The following ATP1A2 variants were observed in gnomAD, a reference collection of about 807,000 sequenced individuals.
ATP1A2 encodes the protein ATPase Na+/K+ transporting subunit alpha 2.
A neutral mutation model predicts 113.1 loss-of-function variants in ATP1A2; 56 were observed. That is an observed-to-expected ratio of 0.49 (90% confidence interval 0.40 to 0.62). The LOEUF is 0.62. Among genes scored for constraint, ATP1A2 ranks in the 20% least tolerant of loss-of-function variants. The pLI, the probability that ATP1A2 is intolerant of heterozygous loss-of-function variation, is 0.00. For missense variants in ATP1A2, 712 were observed against 1,357.8 expected (o/e 0.52, Z 7.47); for synonymous variants, 490 against 526.8 (o/e 0.93, Z 0.96).
At chr1:160,124,466 A>T in intron 6 of ATP1A2, 36 bp downstream of exon 6, 1 of 1,582,302 alleles carries the variant, frequency 6.3e-7, no homozygotes, top group Non-Finnish European at 8.6e-7. Context: ...AGTTGAGTCT[A>T]AGGAGAAGGC....
rs1199088551 is a variant in ATP1A2, at chr1:160,121,055, G to C, written c.117+45G>C. On this transcript the variant is annotated intron_variant, in intron 2 of 22. Transcript: ENST00000361216. The stretch of plus-strand genomic sequence containing the variant: ...ATGGAGGAGGGGCCCCATGCTGGGA[G>C]AGCTGTCCCTGCAGCCCATTGCACT... 10 of 1,608,556 alleles carry C rather than the reference G, an allele frequency of 6.2e-6. No homozygotes were observed. In the East Asian group the frequency reaches 6.7e-5, roughly 11 times the overall value.
At position 160,143,555 on chromosome 1, in the gene ATP1A2, G is replaced by C. The variant is rs1652219061; in HGVS notation, c.*2233G>C. The C allele has an allele frequency of 6.6e-6, 1 of 152,422 alleles. No homozygotes were observed. The highest frequency in any genetic ancestry group is 1.5e-5 in the Non-Finnish European group (1 of 68,020). The allele number at this position is 152,422 out of a possible 1,614,324, so 9.4% of individuals were successfully genotyped here. On this transcript the variant is annotated 3_prime_UTR_variant, in exon 23 of 23. Coordinates refer to ENST00000361216, the MANE Select transcript of ATP1A2 (RefSeq NM_000702.4). Reference sequence around the variant, plus strand: ...AGTTTGAGGTACTACCTATGTACTTGAAAATAATAAAGTGGCATTTCTTTA... The same window carrying C: ...AGTTTGAGGTACTACCTATGTACTTCAAAATAATAAAGTGGCATTTCTTTA...
chr1:160,123,856 A>G, intron 4 of ATP1A2, 87 bp from the exon 5 acceptor site: 1 of 1,185,238 alleles, frequency 8.4e-7, no homozygotes. Flanking sequence ...GTCATCTTGG[A>G]TGGCACTGCC....
chr1:160,121,145 C>A, intron 2 of ATP1A2, 47 bp from the exon 3 acceptor site: 1 of 1,608,518 alleles, frequency 6.2e-7, no homozygotes, highest in Non-Finnish European at 8.5e-7. Flanking sequence ...CCCTCATATG[C>A]ATCTTAGATA....
At position 160,135,154 on chromosome 1, in the gene ATP1A2, G is replaced by A. The variant is rs760765523; in HGVS notation, c.1974G>A (p.Lys658=). The A allele has an allele frequency of 1.2e-6, 2 of 1,614,010 alleles. No individual in the cohort carries two copies. Among genetic ancestry groups the A allele is most frequent in the Admixed American group, 1.7e-5 (1 of 60,004 alleles). ...CCCACCCACCCTCCAGAGAAGCCAAGGCATGCGTGGTGCACGGCTCTGACC... is the reference window on the plus strand; with the variant it reads ...CCCACCCACCCTCCAGAGAAGCCAAAGCATGCGTGGTGCACGGCTCTGACC... The part of the protein sequence containing the change: ...PMSQVNPREA[K]ACVVHGSDLK... Residue 658 remains lysine (K), a synonymous_variant, in exon 15 of 23, where the codon AAG becomes AAA. Coordinates refer to ENST00000361216, the MANE Select transcript of ATP1A2 (RefSeq NM_000702.4). This position sits in a 1 kb window ranked among gnomAD's most constrained non-coding sequence, Gnocchi z 6.3.
rs760642074 is a variant in ATP1A2 at position 160,130,214 on chromosome 1, T to C, written c.1574T>C (p.Ile525Thr). Residue 525 changes from isoleucine (I) to threonine (T), a missense_variant, in exon 12 of 23, where the codon ATC becomes ACC. Ile to Thr is a moderately conservative substitution (Grantham distance 89). This residue lies in a region of ATP1A2 where 263 missense variants were observed against 380.6 expected (regional missense o/e 0.69). Coordinates refer to ENST00000361216, the MANE Select transcript of ATP1A2 (RefSeq NM_000702.4). Reference sequence around the variant, plus strand: ...ACCATCCTGGTGCAGGGCAAGGAGATCCCGCTCGACAAGGAGATGCAAGAT... The same window carrying C: ...ACCATCCTGGTGCAGGGCAAGGAGACCCCGCTCGACAAGGAGATGCAAGAT... ...CSTILVQGKE[I>T]PLDKEMQDAF... 1.2e-6 allele frequency: 2 copies of C among 1,614,062 alleles called. No individual in the cohort carries two copies. The highest frequency in any genetic ancestry group is 2.7e-5 in the African/African-American group (2 of 74,928).
At chr1:160,137,379 CTAGTT>C (rs1182326549) in intron 20 of ATP1A2, among the ~76,000 whole-genome samples, 2 of 152,120 alleles carry the variant, frequency 1.3e-5, no homozygotes, top group Non-Finnish European at 2.9e-5. Context: ...CGCAGGCAGT[CTAGTT>C]TATAGCACTT....
intron 22 of ATP1A2, 55 bp from the exon 23 acceptor site, chr1:160,141,237 ATC>A (rs1652138976): frequency 6.2e-7 from 1 of 1,608,928 alleles, no homozygotes; most frequent in Admixed American, 1.7e-5. Flanking sequence ...TAGGAAATTG[ATC>A]TCTTGCCTCC....
intron 13 of ATP1A2, among the ~76,000 whole-genome samples, chr1:160,132,474 G>T (rs533079431): frequency 2.7e-4 from 41 of 152,260 alleles, no homozygotes; most frequent in Non-Finnish European, 5.0e-4. Context: ...AAAGAATGAT[G>T]ACCTGAACTA....
chr1:160,137,440 C>T (rs771458449), intron 20 of ATP1A2, among the ~76,000 whole-genome samples: 23 of 152,180 alleles, frequency 1.5e-4, no homozygotes, highest in Non-Finnish European at 2.6e-4. Context: ...TCGGGTTCAG[C>T]GCTTCTTGCA....
Position 160,139,676 on chromosome 1 carries a change from G to A in ATP1A2, c.2877G>A (p.Thr959=), listed in dbSNP as rs200127278. 3.7e-4 allele frequency: 593 copies of A among 1,614,160 alleles called. 5 individuals are homozygous for A. In the South Asian group the frequency reaches 6.0e-3, roughly 16 times the overall value. The part of the protein sequence containing the change: ...KILIFGLLEE[T]ALAAFLSYCP... ...TGATTTTTGGGCTCCTGGAGGAGAC[G>A]GCGTTGGCTGCCTTTCTCTCTTACT... is the stretch of plus-strand genomic sequence containing the variant. Residue 959 remains threonine (T), a synonymous_variant, in exon 21 of 23, where the codon ACG becomes ACA. Transcript: ENST00000361216.
At chr1:160,130,356 G>A (rs1651733873) in intron 12 of ATP1A2, 65 bp downstream of exon 12, 2 of 1,613,982 alleles carry the variant, frequency 1.2e-6, no homozygotes. Context: ...CCCTGGGGTG[G>A]GGGACTGTGG....
At position 160,124,431 on chromosome 1, in the gene ATP1A2, G is replaced by A; in HGVS notation, c.630+1G>A. 1.9e-6 allele frequency: 3 copies of A among 1,605,508 alleles called. No homozygotes were observed. Among genetic ancestry groups the A allele is most frequent in the Non-Finnish European group, 2.6e-6 (3 of 1,176,058 alleles). ...GATCATCTCTTCTCATGGCTGTAAG[G>A]TGAGGAGGTCATACCAGAGCAAGCA... On this transcript the variant is annotated splice_donor_variant, in intron 6 of 22. Transcript: ENST00000361216. LOFTEE classifies it high-confidence loss of function.
Position 160,139,959 on chromosome 1 carries a change from G to A in ATP1A2, c.3009G>A (p.Lys1003=), listed in dbSNP as rs1264895719. 5 of 1,613,956 alleles carry A rather than the reference G, an allele frequency of 3.1e-6. No individual in the cohort carries two copies. The highest frequency in any genetic ancestry group is 3.3e-4 in the Middle Eastern group (2 of 6,062). The change falls in exon 22 of 23, where the codon AAG becomes AAA. Residue 1003 remains lysine, a synonymous_variant. Coordinates refer to ENST00000361216, the MANE Select transcript of ATP1A2 (RefSeq NM_000702.4). ...TCTTCATCTATGATGAGGTCCGAAA[G>A]CTCATCCTGCGGCGGTATCCTGGTG... is the stretch of plus-strand genomic sequence containing the variant. ...LLIFIYDEVR[K]LILRRYPGGW...
chr1:160,123,799 C>T, intron 4 of ATP1A2, 144 bp from the exon 5 acceptor site: 1 of 792,560 alleles, frequency 1.3e-6, no homozygotes, highest in South Asian at 1.5e-5. Context: ...GTGAGAAGGG[C>T]TTTCCCCTAC....
intron 3 of ATP1A2, among the ~76,000 whole-genome samples, chr1:160,122,043 A>G (rs1031014700): frequency 1.3e-5 from 2 of 152,192 alleles, no homozygotes; most frequent in Non-Finnish European, 2.9e-5. Flanking sequence ...GAAGCAGGAG[A>G]ATGGCTTGAA....
chr1:160,120,971 G>A lies in ATP1A2; in HGVS notation c.78G>A (p.Lys26=). 6.2e-7 allele frequency: 1 copy of A among 1,613,436 alleles called. No homozygotes were observed. Among genetic ancestry groups the A allele is most frequent in the Non-Finnish European group, 8.5e-7 (1 of 1,179,644 alleles). The change falls in exon 2 of 23, where the codon AAG becomes AAA. Residue 26 remains lysine (K), a synonymous_variant. Coordinates refer to ENST00000361216, the MANE Select transcript of ATP1A2 (RefSeq NM_000702.4). ...ATGGGGGCGGCAAGAAGAAACAGAA[G>A]GAGAAGGAACTGGATGAGCTGAAGA... ...AENGGGKKKQ[K]EKELDELKKE... is the part of the protein sequence containing the mutation.
rs386368465 is a variant in ATP1A2 at position 160,119,256 on chromosome 1, C to CAAAAAAAAAAAAAAAAAAAAAAA, written c.13-1645_13-1623dup. 4.9e-4 allele frequency among the ~76,000 whole-genome samples: 24 copies of CAAAAAAAAAAAAAAAAAAAAAAA among 49,464 alleles called. 7 individuals are homozygous for CAAAAAAAAAAAAAAAAAAAAAAA. The highest frequency in any genetic ancestry group is 7.7e-4 in the Admixed American group (2 of 2,594). 32.5% of individuals were successfully genotyped at this position (49,464 alleles called of 152,430 possible). On this transcript the variant is annotated intron_variant, in intron 1 of 22. Transcript: ENST00000361216. ...AAACCCCCAAAACTGCATTATCCTG[C>CAAAAAAAAAAAAAAAAAAAAAAA]AAAAAAAAAAAAAAAAAAAAAAAAA...
At chr1:160,134,277 C>CCACA (rs1480054928) in intron 13 of ATP1A2, among the ~76,000 whole-genome samples, 1 of 149,030 alleles carries the variant, frequency 6.7e-6, no homozygotes, top group Admixed American at 6.7e-5. Flanking sequence ...TACACACACC[C>CCACA]CACACACACA....
Sources: gnomAD v4.1 joint callset for allele counts (sites outside exome capture counted in the v4.1 genomes callset) on GRCh38, gnomAD v4.1.1 for gene constraint, gnomAD v4.1.1 regional missense constraint, Gnocchi (gnomAD v3.1) non-coding constraint, MANE v1.5 for transcripts, NCBI Gene and HGNC (gene_info 2026-07-23, HGNC 2026-07-21) for gene names.